DKK4: variants seen among roughly 807,000 people sequenced by gnomAD.
DKK4 encodes dickkopf Wnt signaling pathway inhibitor 4, also known as dickkopf-related protein 4.
A neutral mutation model predicts 14.5 loss-of-function variants in DKK4; 15 were observed. The observed-to-expected ratio is 1.03, with a 90% CI of 0.69 to 1.59. DKK4 has a LOEUF of 1.59. Among genes scored for constraint, DKK4 ranks in the 40% most tolerant of loss-of-function variants. The pLI is 0.00. For synonymous variants in DKK4, 89 were observed against 105.2 expected, an observed-to-expected ratio of 0.85 and a Z score of 0.94; for missense variants, 272 against 280.3, an observed-to-expected ratio of 0.97 and a Z score of 0.21.
the DKK4 span, among the ~76,000 whole-genome samples, chr8:42,388,433 T>C: frequency 6.6e-6 from 1 of 152,034 alleles, no homozygotes; most frequent in African/African-American, 2.4e-5. Context: ...TTTCACCATG[T>C]TGGCCAGGCT....
At chr8:42,389,636 TG>T in the DKK4 span, among the ~76,000 whole-genome samples, 1 of 152,224 alleles carries the variant, frequency 6.6e-6, no homozygotes, top group African/African-American at 2.4e-5. Context: ...ACAGACTTTG[TG>T]GGGGACTTTT....
chr8:42,376,972 T>C lies in DKK4; in HGVS notation c.74A>G (p.Asn25Ser). 3 of 1,613,760 alleles carry C rather than the reference T, an allele frequency of 1.9e-6. No homozygotes were observed. The highest frequency in any genetic ancestry group is 2.5e-6 in the Non-Finnish European group (3 of 1,179,998). ...PLGALVLDFN[N>S]IRSSADLHGA... is the part of the protein sequence containing the mutation. ...ATGCAGGTCAGCAGAGCTCCTGATG[T>C]TGTTGAAGTCCAGGACCAGAGCTCC... Residue 25 changes from asparagine (N) to serine (S), a missense_variant, in exon 1 of 4, where the codon AAC becomes AGC. Physicochemically the swap from Asn to Ser is conservative, Grantham distance 46 (BLOSUM62 1). Transcript: ENST00000220812.
the DKK4 span, among the ~76,000 whole-genome samples, chr8:42,387,237 A>C: frequency 8.5e-5 from 13 of 152,050 alleles, no homozygotes; most frequent in Non-Finnish European, 1.8e-4. Context: ...GGACTGAGAA[A>C]GCCCTTTCCA....
upstream of DKK4, among the ~76,000 whole-genome samples, chr8:42,381,118 G>T (rs1454002109): frequency 6.6e-6 from 1 of 151,880 alleles, no homozygotes. Context: ...CCAATTTGAG[G>T]CAGTGACACA....
At chr8:42,384,311 T>C in the DKK4 span, among the ~76,000 whole-genome samples, 9 of 152,016 alleles carry the variant, frequency 5.9e-5, no homozygotes, top group African/African-American at 9.7e-5. Flanking sequence ...AACAGCTAAT[T>C]TTTGTATTTT....
chr8:42,388,108 C>T, the DKK4 span, among the ~76,000 whole-genome samples: 1 of 152,178 alleles, frequency 6.6e-6, no homozygotes, highest in Admixed American at 6.5e-5. Flanking sequence ...CTATGTTGCT[C>T]AGCCTACACT....
At chr8:42,389,243 T>G in the DKK4 span, among the ~76,000 whole-genome samples, 2 of 152,232 alleles carry the variant, frequency 1.3e-5, no homozygotes, top group Non-Finnish European at 2.9e-5. Context: ...GCACCCGGCC[T>G]GGATACATTA....
At chr8:42,382,256 A>G in the DKK4 span, among the ~76,000 whole-genome samples, 3 of 152,134 alleles carry the variant, frequency 2.0e-5, no homozygotes, top group Non-Finnish European at 4.4e-5. Flanking sequence ...GGAACATGAC[A>G]TTTGGTATAT....
upstream of DKK4, among the ~76,000 whole-genome samples, chr8:42,377,735 A>T (rs778946937): frequency 6.6e-6 from 1 of 152,222 alleles, no homozygotes; most frequent in Non-Finnish European, 1.5e-5. Context: ...TGGCATCCAG[A>T]TGTCAAAATC....
the DKK4 span, among the ~76,000 whole-genome samples, chr8:42,388,982 G>A: frequency 1.3e-5 from 2 of 152,152 alleles, no homozygotes; most frequent in Admixed American, 6.5e-5. Context: ...TCCCTCTGTC[G>A]TCCAGGCTGT....
chr8:42,376,044 T>G (rs1175139603), intron 1 of DKK4, among the ~76,000 whole-genome samples: 1 of 152,234 alleles, frequency 6.6e-6, no homozygotes, highest in Admixed American at 6.5e-5. Flanking sequence ...CTATTTGAGT[T>G]TGAAAAATTG....
upstream of DKK4, among the ~76,000 whole-genome samples, chr8:42,380,955 AAG>A (rs1211482105): frequency 3.9e-5 from 6 of 152,132 alleles, no homozygotes; most frequent in African/African-American, 1.2e-4. Context: ...AAACGAAAGA[AAG>A]AGAAAGAAAA....
intron 1 of DKK4, 134 bp from the exon 2 acceptor site, chr8:42,375,964 T>C: frequency 8.5e-7 from 1 of 1,183,430 alleles, no homozygotes; most frequent in Non-Finnish European, 1.2e-6. Flanking sequence ...CATCTTACTC[T>C]CCAGTGGAAA....
chr8:42,385,682 C>T, the DKK4 span, among the ~76,000 whole-genome samples: 1 of 152,106 alleles, frequency 6.6e-6, no homozygotes, highest in Non-Finnish European at 1.5e-5. Flanking sequence ...AGTCCAGGCT[C>T]CTGATTCCAG....
the DKK4 span, among the ~76,000 whole-genome samples, chr8:42,382,600 AG>A: frequency 1.3e-5 from 2 of 152,202 alleles, no homozygotes; most frequent in South Asian, 4.1e-4. Flanking sequence ...TCTTTTGAAA[AG>A]TGGCACCACA....
intron 2 of DKK4, 97 bp from the exon 3 acceptor site, chr8:42,375,010 C>G (rs1338239095): frequency 1.6e-6 from 2 of 1,248,246 alleles, no homozygotes; most frequent in African/African-American, 1.5e-5. Context: ...GGCAGCACCT[C>G]TGCCTTCAGT....
At chr8:42,384,021 C>G in the DKK4 span, among the ~76,000 whole-genome samples, 1 of 152,178 alleles carries the variant, frequency 6.6e-6, no homozygotes, top group African/African-American at 2.4e-5. Context: ...ACCCCCCTAC[C>G]CTGTTCCTGG....
chr8:42,381,831 C>G (rs932447225), upstream of DKK4, among the ~76,000 whole-genome samples: 1 of 152,140 alleles, frequency 6.6e-6, no homozygotes, highest in African/African-American at 2.4e-5. Context: ...AACTCCATCT[C>G]TACTAAAATA....
At chr8:42,378,221 A>G (rs796424574), upstream of DKK4, among the ~76,000 whole-genome samples, 24 of 152,162 alleles carry the variant, frequency 1.6e-4, no homozygotes, top group African/African-American at 5.8e-4. Context: ...TTTTCTCTTC[A>G]TTGTTTCATT....
Sources: gnomAD v4.1 joint callset for allele counts (sites outside exome capture counted in the v4.1 genomes callset) on GRCh38, gnomAD v4.1.1 for gene constraint, MANE v1.5 for transcripts, NCBI Gene and HGNC (gene_info 2026-07-23, HGNC 2026-07-21) for gene names.